CPNE8: variants seen among roughly 807,000 people sequenced by gnomAD.
The protein encoded by CPNE8 is copine 8.
CPNE8 carries 45 observed loss-of-function variants against 81.5 expected under a neutral mutation model. The ratio of observed to expected loss-of-function variants is 0.55; its 90% CI spans 0.44 to 0.71. CPNE8 has a LOEUF of 0.71. Among genes scored for constraint, CPNE8 ranks in the 30% least tolerant of loss-of-function variants. CPNE8 has a pLI of 0.00. For synonymous variants in CPNE8, 252 were observed against 226.3 expected (o/e 1.11, Z -1.02); for missense variants, 594 against 672.1 (o/e 0.88, Z 1.28).
intron 6 of CPNE8, among the ~76,000 whole-genome samples, chr12:38,806,435 A>T (rs1942805090): frequency 6.7e-6 from 1 of 149,662 alleles, no homozygotes; most frequent in Admixed American, 6.7e-5. Flanking sequence ...CTGGGATGCA[A>T]GGCTGGTTCA....
intron 6 of CPNE8, among the ~76,000 whole-genome samples, chr12:38,784,444 G>C (rs1433029860): frequency 1.3e-5 from 2 of 152,162 alleles, no homozygotes; most frequent in Non-Finnish European, 2.9e-5. Flanking sequence ...GACAGGAGGA[G>C]TAGAAAGTTT....
At chr12:38,728,740 G>C (rs573984725) in intron 11 of CPNE8, among the ~76,000 whole-genome samples, 3 of 152,012 alleles carry the variant, frequency 2.0e-5, no homozygotes, top group African/African-American at 7.2e-5. Context: ...TTGGTTGCTT[G>C]ATAAACCTGA....
chr12:38,848,439 T>C (rs947780018), intron 4 of CPNE8, 120 bp downstream of exon 4: 70 of 1,394,334 alleles, frequency 5.0e-5, no homozygotes, highest in Non-Finnish European at 6.1e-5. Flanking sequence ...CTGAACAGAA[T>C]TAATCTGGTT....
chr12:38,801,251 CAG>C (rs1451129806), intron 6 of CPNE8, among the ~76,000 whole-genome samples: 2 of 38,060 alleles, frequency 5.3e-5, no homozygotes, highest in African/African-American at 2.3e-4. Context: ...TAAGGGCAGC[CAG>C]AGAGAAAGGT....
intron 11 of CPNE8, among the ~76,000 whole-genome samples, chr12:38,729,482 A>C (rs968109549): frequency 1.8e-4 from 28 of 152,032 alleles, no homozygotes; most frequent in East Asian, 5.8e-4. Flanking sequence ...CCAGGGCCTA[A>C]CATAGAACAT....
intron 4 of CPNE8, among the ~76,000 whole-genome samples, chr12:38,842,210 C>T (rs867695741): frequency 6.6e-6 from 1 of 151,992 alleles, no homozygotes; most frequent in Admixed American, 6.6e-5. Flanking sequence ...ATTTTTTTAT[C>T]CAAGAAATGT....
intron 13 of CPNE8, among the ~76,000 whole-genome samples, chr12:38,717,043 A>C (rs896023497): frequency 3.3e-5 from 5 of 152,164 alleles, no homozygotes; most frequent in African/African-American, 1.2e-4. Flanking sequence ...AAAAATGCTC[A>C]ACATCACTAA....
At chr12:38,662,318 C>A (rs1938976770) in intron 19 of CPNE8, among the ~76,000 whole-genome samples, 1 of 152,032 alleles carries the variant, frequency 6.6e-6, no homozygotes, top group African/African-American at 2.4e-5. Context: ...TCATAAGATA[C>A]AAAATCAACA....
At chr12:38,796,443 A>G (rs903228082) in intron 6 of CPNE8, among the ~76,000 whole-genome samples, 2 of 152,246 alleles carry the variant, frequency 1.3e-5, no homozygotes, top group African/African-American at 4.8e-5. Flanking sequence ...ATTAAAATTA[A>G]GAATTCCTAT....
intron 13 of CPNE8, among the ~76,000 whole-genome samples, chr12:38,721,675 GAGA>G (rs775746656): frequency 1.3e-5 from 2 of 152,224 alleles, no homozygotes; most frequent in Non-Finnish European, 2.9e-5. Flanking sequence ...TGCAGGCATA[GAGA>G]AGGAGAGAAT....
At chr12:38,744,597 C>T (rs1395639809) in intron 10 of CPNE8, among the ~76,000 whole-genome samples, 2 of 152,126 alleles carry the variant, frequency 1.3e-5, no homozygotes, top group Non-Finnish European at 2.9e-5. Flanking sequence ...ACTGGCCCTA[C>T]TACCCAGCTT....
At position 38,826,004 on chromosome 12, in the gene CPNE8, G is replaced by A. The variant is rs189726425; in HGVS notation, c.407+3375C>T. Among the ~76,000 whole-genome samples the A allele has an allele frequency of 4.6e-5, 7 of 152,136 alleles. No homozygotes were observed. The East Asian group carries it at 1.2e-3, about 25-fold the overall frequency. On this transcript the variant is annotated intron_variant, in intron 6 of 19. Coordinates refer to ENST00000331366, the MANE Select transcript of CPNE8 (RefSeq NM_153634.3). ...CTAATCCAATTCACTACTGTTTAAT[G>A]AATGTAATTGCAACCAGTCTGCAAT...
At chr12:38,845,602 T>C (rs1464215891) in intron 4 of CPNE8, among the ~76,000 whole-genome samples, 1 of 145,574 alleles carries the variant, frequency 6.9e-6, no homozygotes, top group African/African-American at 2.7e-5. Context: ...ATCACAGGTA[T>C]AATATATATA....
At chr12:38,799,140 C>T (rs79977911) in intron 6 of CPNE8, among the ~76,000 whole-genome samples, 9 of 152,192 alleles carry the variant, frequency 5.9e-5, no homozygotes, top group East Asian at 1.9e-4. Context: ...GACAGATCAA[C>T]GAGACAGAAA....
At chr12:38,784,362 C>A (rs1942125292) in intron 6 of CPNE8, among the ~76,000 whole-genome samples, 1 of 152,062 alleles carries the variant, frequency 6.6e-6, no homozygotes, top group Non-Finnish European at 1.5e-5. Flanking sequence ...AGCATGCCTA[C>A]AGGATCTAGA....
At chr12:38,879,247 C>A (rs1186207018) in intron 1 of CPNE8, among the ~76,000 whole-genome samples, 1 of 152,076 alleles carries the variant, frequency 6.6e-6, no homozygotes, top group Non-Finnish European at 1.5e-5. Flanking sequence ...CTGCGTAGAA[C>A]CTGAGATTCA....
At chr12:38,885,134 A>C (rs1944220056) in intron 1 of CPNE8, among the ~76,000 whole-genome samples, 2 of 152,226 alleles carry the variant, frequency 1.3e-5, no homozygotes, top group Admixed American at 1.3e-4. Flanking sequence ...TAGAGAAAAA[A>C]TTAATTTATA....
At chr12:38,686,875 T>C (rs935357010) in intron 15 of CPNE8, among the ~76,000 whole-genome samples, 34 of 152,312 alleles carry the variant, frequency 2.2e-4, no homozygotes, top group Non-Finnish European at 2.5e-4. Context: ...CCAATGCCTT[T>C]TATGAGCCAG....
At chr12:38,765,407 C>T (rs999070777) in intron 8 of CPNE8, among the ~76,000 whole-genome samples, 9 of 151,992 alleles carry the variant, frequency 5.9e-5, no homozygotes, top group Non-Finnish European at 7.4e-5. Flanking sequence ...ATAAATATCA[C>T]GCTACTAAAT....
Sources: gnomAD v4.1 joint callset for allele counts (sites outside exome capture counted in the v4.1 genomes callset) on GRCh38, gnomAD v4.1.1 for gene constraint, MANE v1.5 for transcripts, NCBI Gene and HGNC (gene_info 2026-07-23, HGNC 2026-07-21) for gene names.